Variants in AGAP6 observed in about 807,000 individuals in gnomAD.
The protein encoded by AGAP6 is arf-GAP with GTPase, ANK repeat and PH domain-containing protein 6.
In AGAP6, 29 loss-of-function variants were observed where a neutral mutation model predicts 63.9. That is an observed-to-expected ratio of 0.45 (90% confidence interval 0.34 to 0.62). AGAP6 has a LOEUF of 0.62. Ranked by LOEUF, AGAP6 falls within the 20% of genes least tolerant of loss-of-function variation. The pLI is 0.01. For missense variants in AGAP6, 493 were observed against 884.9 expected (o/e 0.56, Z 5.62); for synonymous variants, 199 against 332.9 (o/e 0.60, Z 4.38).
In AGAP6 at chr10:49,991,752, G is replaced by A. The variant is rs782498354; in HGVS notation, c.361+8G>A. 29 of 1,598,076 alleles carry A rather than the reference G, an allele frequency of 1.8e-5. No homozygotes were observed. The Admixed American group carries it at 2.3e-4, about 13-fold the overall frequency. On this transcript the variant is annotated splice_region_variant and intron_variant, in intron 3 of 7. Transcript: ENST00000412531. ...GGAACTCTCAAACAGATGGTGAGAC[G>A]ACATTGTCTTTTCCACCAAGAGAAA...
intron 7 of AGAP6, among the ~76,000 whole-genome samples, chr10:50,008,324 ACT>A (rs1841985641): frequency 7.9e-6 from 1 of 125,972 alleles, no homozygotes; most frequent in South Asian, 2.4e-4. Context: ...TTTTTTATGG[ACT>A]CTCTTTCTGT....
intron 5 of AGAP6, among the ~76,000 whole-genome samples, chr10:50,004,315 C>T (rs1394324310): frequency 1.3e-5 from 2 of 150,866 alleles, no homozygotes; most frequent in Non-Finnish European, 1.5e-5. Flanking sequence ...AAGATGGCAC[C>T]ACTGCAGTCC....
At chr10:49,995,424 A>G (rs1337036714) in intron 4 of AGAP6, among the ~76,000 whole-genome samples, 2 of 152,104 alleles carry the variant, frequency 1.3e-5, no homozygotes, top group African/African-American at 4.8e-5. Context: ...TTTTCTGACT[A>G]TATTCATTTG....
In AGAP6 at chr10:49,991,780, A is replaced by G. The variant is rs782656593; in HGVS notation, c.361+36A>G. ...ATTGTCTTTTCCACCAAGAGAAAGA[A>G]TAAAAGCTCTTGTTTGATCAGGTTA... On this transcript the variant is annotated intron_variant, in intron 3 of 7. Transcript: ENST00000412531. The G allele has an allele frequency of 3.1e-6, 5 of 1,597,684 alleles. No homozygotes were observed. The Admixed American group carries it at 5.0e-5, about 16-fold the overall frequency.
intron 1 of AGAP6, 26 bp downstream of exon 1, chr10:49,988,964 C>T: frequency 6.2e-7 from 1 of 1,600,860 alleles, no homozygotes; most frequent in Non-Finnish European, 8.5e-7. Context: ...GTGCCATCTA[C>T]CCTCGGTTTG....
chr10:49,995,231 G>C (rs1310276508), intron 4 of AGAP6, among the ~76,000 whole-genome samples: 1 of 152,110 alleles, frequency 6.6e-6, no homozygotes. Flanking sequence ...TGTTTTCACT[G>C]TGTCTCTGCA....
At position 50,010,331 on chromosome 10, in the gene AGAP6, T is replaced by C. The variant is rs1199000774; in HGVS notation, c.*145T>C. ...TCGTAAACTAAGTAAATACACAAAA[T>C]GTTGATTTTTCTGACCATAAGACGT... On this transcript the variant is annotated 3_prime_UTR_variant, in exon 8 of 8. Coordinates refer to ENST00000412531, the MANE Select transcript of AGAP6 (RefSeq NM_001077665.3). 2.6e-6 allele frequency: 4 copies of C among 1,524,542 alleles called. No homozygotes were observed. The highest frequency in any genetic ancestry group is 3.8e-5 in the Admixed American group (2 of 52,124). The allele number at this position is 1,524,542 out of a possible 1,614,324, so 94.4% of individuals were successfully genotyped here. A position where few individuals can be genotyped will look rare whatever the true frequency, so the allele number is the denominator to read the frequency against.
intron 4 of AGAP6, 98 bp from the exon 5 acceptor site, chr10:50,001,898 G>T (rs1301360112): frequency 9.6e-5 from 117 of 1,218,720 alleles, no homozygotes; most frequent in Non-Finnish European, 1.3e-4. Flanking sequence ...GGCAGTTCAT[G>T]GAGTGTAAGA....
At chr10:49,988,969 G>A (rs201974057) in intron 1 of AGAP6, 31 bp downstream of exon 1, 52 of 1,600,512 alleles carry the variant, frequency 3.2e-5, no homozygotes, top group Non-Finnish European at 3.9e-5. Flanking sequence ...ATCTACCCTC[G>A]GTTTGCCTCT....
At position 49,999,057 on chromosome 10, in the gene AGAP6, G is replaced by C. The variant is rs1346550022; in HGVS notation, c.397-2939G>C. ...GTTCGAGACCAGCCTGGCCAACATGGTGAAATCCCATCTCTACTAAAAATA... is the reference window on the plus strand; with the variant it reads ...GTTCGAGACCAGCCTGGCCAACATGCTGAAATCCCATCTCTACTAAAAATA... On this transcript the variant is annotated intron_variant, in intron 4 of 7. Coordinates refer to ENST00000412531, the MANE Select transcript of AGAP6 (RefSeq NM_001077665.3). Among the ~76,000 whole-genome samples, 16 of 138,590 alleles carry C rather than the reference G, an allele frequency of 1.2e-4. 3 individuals carry two copies. Among genetic ancestry groups the C allele is most frequent in the Non-Finnish European group, 1.7e-4 (11 of 65,742 alleles). The allele number at this position is 138,590 out of a possible 152,430, so 90.9% of individuals were successfully genotyped here. A position where few individuals can be genotyped will look rare whatever the true frequency, so the allele number is the denominator to read the frequency against.
chr10:50,001,317 G>A (rs1371192858), intron 4 of AGAP6, among the ~76,000 whole-genome samples: 11 of 150,170 alleles, frequency 7.3e-5, no homozygotes, highest in African/African-American at 2.2e-4. Context: ...GCGACAGAGC[G>A]AGACTCCGTC....
At chr10:50,000,237 A>G (rs1313488313) in intron 4 of AGAP6, among the ~76,000 whole-genome samples, 1 of 34,618 alleles carries the variant, frequency 2.9e-5, no homozygotes, top group Non-Finnish European at 5.2e-5. Context: ...AATAATACCT[A>G]TAAAGAGTAA....
intron 4 of AGAP6, among the ~76,000 whole-genome samples, chr10:49,994,700 C>T (rs1457300670): frequency 6.6e-6 from 1 of 152,094 alleles, no homozygotes; most frequent in African/African-American, 2.4e-5. Flanking sequence ...TGGTGGCTAA[C>T]GTCTGTAATC....
Position 49,994,321 on chromosome 10 carries a change from G to T in AGAP6, c.362-74G>T, listed in dbSNP as rs1222138064. The T allele has an allele frequency of 9.2e-6, 13 of 1,415,030 alleles. No individual in the cohort carries two copies. In the East Asian group the frequency reaches 3.2e-4, roughly 35 times the overall value. The allele number at this position is 1,415,030 out of a possible 1,614,324, so 87.7% of individuals were successfully genotyped here. A position where few individuals can be genotyped will look rare whatever the true frequency, so the allele number is the denominator to read the frequency against. ...GTCTCATTTTACGTAGGAGTAATCAGTAAGATGTTAACAACTACTTTTATT... is the reference window on the plus strand; with the variant it reads ...GTCTCATTTTACGTAGGAGTAATCATTAAGATGTTAACAACTACTTTTATT... On this transcript the variant is annotated intron_variant, in intron 3 of 7. Coordinates refer to ENST00000412531, the MANE Select transcript of AGAP6 (RefSeq NM_001077665.3).
chr10:50,001,421 C>CTTTT (rs1158013781), intron 4 of AGAP6, among the ~76,000 whole-genome samples: 11 of 86,254 alleles, frequency 1.3e-4, no homozygotes, highest in African/African-American at 3.5e-4. Flanking sequence ...TTAAACTTTT[C>CTTTT]TTTTTTTTTT....
intron 3 of AGAP6, among the ~76,000 whole-genome samples, chr10:49,993,427 G>C (rs1475938690): frequency 6.6e-6 from 1 of 151,864 alleles, no homozygotes; most frequent in African/African-American, 2.4e-5. Context: ...AGTCCCTCTT[G>C]GGGCTTTTAT....
At chr10:50,006,121 C>A (rs1212338488) in intron 6 of AGAP6, among the ~76,000 whole-genome samples, 1 of 151,968 alleles carries the variant, frequency 6.6e-6, no homozygotes, top group African/African-American at 2.4e-5. Context: ...ATTGATCTTT[C>A]TTGCACAGTA....
chr10:50,003,540 C>T (rs1387142936), intron 5 of AGAP6, among the ~76,000 whole-genome samples: 1 of 152,206 alleles, frequency 6.6e-6, no homozygotes, highest in South Asian at 2.1e-4. Context: ...TTCACCCCAG[C>T]TCAGTCATTC....
At chr10:49,990,476 T>C (rs1366974273) in intron 2 of AGAP6, among the ~76,000 whole-genome samples, 1 of 152,152 alleles carries the variant, frequency 6.6e-6, no homozygotes, top group Admixed American at 6.5e-5. Flanking sequence ...AGTTGGAGTT[T>C]TTTAGTCTCT....
Sources: allele counts gnomAD v4.1 joint callset (sites outside exome capture counted in the v4.1 genomes callset), GRCh38; gene constraint gnomAD v4.1.1; transcripts MANE v1.5; gene names NCBI Gene and HGNC (gene_info 2026-07-23, HGNC 2026-07-21).